The following CHST9 variants were observed in gnomAD, a reference collection of about 807,000 sequenced individuals.
The protein encoded by CHST9 is GalNAc-4-sulfotransferase 2.
CHST9 carries 41 observed loss-of-function variants against 44.4 expected under a neutral mutation model. That is an observed-to-expected ratio of 0.92 (90% CI 0.72 to 1.20). CHST9 has a LOEUF of 1.20. CHST9 is among the 50% of genes most tolerant of loss of function. The pLI is 0.00. For synonymous variants in CHST9, 171 were observed against 178.4 expected, an observed-to-expected ratio of 0.96 and a Z score of 0.33; for missense variants, 504 against 516.5, an observed-to-expected ratio of 0.98 and a Z score of 0.23.
At chr18:27,153,526 TTCTCTCTC>T (rs769722858) in intron 1 of CHST9, among the ~76,000 whole-genome samples, 2 of 140,780 alleles carry the variant, frequency 1.4e-5, no homozygotes, top group African/African-American at 5.3e-5. Context: ...CTCTCTGTCT[TTCTCTCTC>T]TCTCTCTCTC....
chr18:26,914,701 GAAT>G lies in CHST9; in HGVS notation c.*1555_*1557del, dbSNP rs1298505742. On this transcript the variant is annotated 3_prime_UTR_variant, in exon 6 of 6. Coordinates refer to ENST00000618847, the MANE Select transcript of CHST9 (RefSeq NM_031422.6). ...GTGTGTAAGGAGCGAAGCAATTCAT[GAAT>G]ACTCAGCCATGAAATAGAAAATCAA... The G allele has an allele frequency of 2.6e-6, 1 of 377,952 alleles. No homozygotes were observed. The highest frequency in any genetic ancestry group is 4.7e-6 in the Non-Finnish European group (1 of 213,386). 23.4% of individuals were successfully genotyped at this position (377,952 alleles called of 1,614,324 possible).
At chr18:26,947,624 T>C (rs2056183861) in intron 4 of CHST9, among the ~76,000 whole-genome samples, 1 of 152,198 alleles carries the variant, frequency 6.6e-6, no homozygotes. Flanking sequence ...AAGACATTTA[T>C]GCAGCCAACA....
chr18:26,930,220 G>A (rs1341031425), intron 5 of CHST9, among the ~76,000 whole-genome samples: 1 of 152,192 alleles, frequency 6.6e-6, no homozygotes, highest in Non-Finnish European at 1.5e-5. Flanking sequence ...TGGGCCCTGA[G>A]TTAGGAAGAG....
chr18:26,957,074 T>C (rs1598593104), intron 4 of CHST9, among the ~76,000 whole-genome samples: 2 of 152,090 alleles, frequency 1.3e-5, no homozygotes, highest in South Asian at 4.1e-4. Flanking sequence ...GGTGAGAGAG[T>C]AGCCTTTCAT....
rs1343732875 is a variant in CHST9, at chr18:26,913,627, A to T, written c.*2632T>A. 6.6e-6 allele frequency: 1 copy of T among 152,252 alleles called. No individual in the cohort carries two copies. Among genetic ancestry groups the T allele is most frequent in the African/African-American group, 2.4e-5 (1 of 41,474 alleles). The allele number at this position is 152,252 out of a possible 1,614,324, so 9.4% of individuals were successfully genotyped here. A position where few individuals can be genotyped will look rare whatever the true frequency, so the allele number is the denominator to read the frequency against. The stretch of plus-strand genomic sequence containing the variant: ...TCCTTAGGGTTTAATTGGAGGACTT[A>T]TAATTGCACCTAATGTTAAAATGGG... On this transcript the variant is annotated 3_prime_UTR_variant, in exon 6 of 6. Transcript: ENST00000618847.
chr18:27,077,389 T>C (rs1450008533), intron 2 of CHST9, among the ~76,000 whole-genome samples: 1 of 152,222 alleles, frequency 6.6e-6, no homozygotes, highest in Non-Finnish European at 1.5e-5. Context: ...ATAGTTTTTC[T>C]TTTCTGTATT....
chr18:27,099,382 T>C (rs1442115988), intron 2 of CHST9, among the ~76,000 whole-genome samples: 2 of 152,022 alleles, frequency 1.3e-5, no homozygotes, highest in Non-Finnish European at 2.9e-5. Context: ...AAAAGAACTA[T>C]CAACAGAGTA....
chr18:27,076,131 T>C (rs2057901055), intron 2 of CHST9, among the ~76,000 whole-genome samples: 1 of 152,222 alleles, frequency 6.6e-6, no homozygotes, highest in South Asian at 2.1e-4. Context: ...TAAAGTACTT[T>C]GATAAAAAGA....
At chr18:27,104,921 T>G (rs34338004) in intron 2 of CHST9, among the ~76,000 whole-genome samples, 5,280 of 152,276 alleles carry the variant, frequency 0.035, 151 homozygotes, top group Non-Finnish European at 0.051. Context: ...TAGACGGCAC[T>G]AAAGACATAG....
chr18:27,151,280 T>C (rs1463044642), intron 1 of CHST9, among the ~76,000 whole-genome samples: 1 of 152,168 alleles, frequency 6.6e-6, no homozygotes, highest in Non-Finnish European at 1.5e-5. Flanking sequence ...GTGGGATTGT[T>C]TAAACTTTGA....
At chr18:27,046,017 C>A (rs2143550313) in intron 3 of CHST9, among the ~76,000 whole-genome samples, 1 of 152,160 alleles carries the variant, frequency 6.6e-6, no homozygotes, top group South Asian at 2.1e-4. Flanking sequence ...CACCATTATA[C>A]ATAGTAGAGC....
chr18:26,979,356 G>C (rs943897420), intron 4 of CHST9, among the ~76,000 whole-genome samples: 7 of 151,972 alleles, frequency 4.6e-5, no homozygotes, highest in Non-Finnish European at 7.4e-5. Context: ...TTTTTTCTAT[G>C]CATATATGGA....
intron 2 of CHST9, among the ~76,000 whole-genome samples, chr18:27,098,427 T>C (rs565268297): frequency 9.2e-5 from 14 of 152,230 alleles, no homozygotes; most frequent in Non-Finnish European, 1.6e-4. Flanking sequence ...AGAAATTCCA[T>C]TTGACCCAGC....
Position 26,910,767 on chromosome 18 carries a change from T to A in CHST9, c.*5492A>T, listed in dbSNP as rs1435498188. On this transcript the variant is annotated 3_prime_UTR_variant, in exon 6 of 6. Coordinates refer to ENST00000618847, the MANE Select transcript of CHST9 (RefSeq NM_031422.6). ...CCTCTTTGATACTCAGTTTTCTCAT[T>A]CATGAAATGATAGGTGGAAAAATAC... 1 of 152,228 alleles carries A rather than the reference T, an allele frequency of 6.6e-6. No homozygotes were observed. The highest frequency in any genetic ancestry group is 2.4e-5 in the African/African-American group (1 of 41,452). The allele number at this position is 152,228 out of a possible 1,614,324, so 9.4% of individuals were successfully genotyped here. A position where few individuals can be genotyped will look rare whatever the true frequency, so the allele number is the denominator to read the frequency against.
At chr18:27,005,153 C>T (rs376209076) in intron 4 of CHST9, among the ~76,000 whole-genome samples, 94 of 152,220 alleles carry the variant, frequency 6.2e-4, no homozygotes, top group African/African-American at 2.1e-3. Context: ...TTTAGCGACT[C>T]GTGTGATATG....
chr18:26,998,658 G>A (rs1598626096), intron 4 of CHST9, among the ~76,000 whole-genome samples: 1 of 151,268 alleles, frequency 6.6e-6, no homozygotes, highest in South Asian at 2.1e-4. Flanking sequence ...CCTGGGAGGC[G>A]GAAGCTGCAG....
chr18:27,106,842 T>C (rs2058225711), intron 2 of CHST9, among the ~76,000 whole-genome samples: 1 of 152,188 alleles, frequency 6.6e-6, no homozygotes, highest in Non-Finnish European at 1.5e-5. Context: ...CCTATTTCCA[T>C]AAAATAACCT....
intron 2 of CHST9, among the ~76,000 whole-genome samples, chr18:27,062,556 A>G (rs904743679): frequency 5.3e-5 from 8 of 152,144 alleles, no homozygotes; most frequent in Non-Finnish European, 1.0e-4. Flanking sequence ...TATCCAGTCT[A>G]TCATTGTTGG....
intron 3 of CHST9, among the ~76,000 whole-genome samples, chr18:27,033,674 G>A (rs1402438162): frequency 2.0e-5 from 3 of 152,060 alleles, no homozygotes; most frequent in African/African-American, 7.2e-5. Context: ...GGCCTTTTCT[G>A]GGTAATCTCA....
Sources: gnomAD v4.1 joint callset for allele counts (sites outside exome capture counted in the v4.1 genomes callset) on GRCh38, gnomAD v4.1.1 for gene constraint, MANE v1.5 for transcripts, NCBI Gene and HGNC (gene_info 2026-07-23, HGNC 2026-07-21) for gene names.